PALM2AKAP2: variants seen among roughly 807,000 people sequenced by gnomAD.
PALM2AKAP2 encodes the protein PALM2-AKAP2 fusion protein.
Under a neutral mutation model 71.5 loss-of-function variants are expected in PALM2AKAP2, and 37 were observed. The ratio of observed to expected loss-of-function variants is 0.52; its 90% CI spans 0.40 to 0.68. PALM2AKAP2 has a LOEUF of 0.68. PALM2AKAP2 is among the 30% of genes least tolerant of loss of function. PALM2AKAP2 has a pLI of 0.00. For synonymous variants in PALM2AKAP2, 468 were observed against 478.8 expected (o/e 0.98, Z 0.29); for missense variants, 1,224 against 1,191.8 (o/e 1.03, Z -0.40).
intron 6 of PALM2AKAP2, among the ~76,000 whole-genome samples, chr9:109,935,884 T>C (rs1268131883): frequency 2.0e-5 from 3 of 152,232 alleles, no homozygotes; most frequent in Non-Finnish European, 4.4e-5. Flanking sequence ...CTTCCCTTTC[T>C]GCCACTTTCT....
chr9:109,887,272 C>T (rs1472010538), intron 3 of PALM2AKAP2, among the ~76,000 whole-genome samples: 1 of 152,230 alleles, frequency 6.6e-6, no homozygotes, highest in African/African-American at 2.4e-5. Flanking sequence ...ACAAAGGACA[C>T]TTGCTTGAGA....
intron 1 of PALM2AKAP2, among the ~76,000 whole-genome samples, chr9:109,706,342 A>G (rs780958127): frequency 6.6e-6 from 1 of 152,170 alleles, no homozygotes; most frequent in Admixed American, 6.5e-5. Context: ...AAACTGTCAA[A>G]CTTAAAAAAT....
chr9:109,786,306 G>A (rs1441136266), intron 1 of PALM2AKAP2, among the ~76,000 whole-genome samples: 1 of 152,202 alleles, frequency 6.6e-6, no homozygotes, highest in African/African-American at 2.4e-5. Context: ...GCTTCCCAAG[G>A]ATCCCTCAGA....
chr9:109,956,270 G>T (rs976552598), intron 6 of PALM2AKAP2, among the ~76,000 whole-genome samples: 3 of 152,060 alleles, frequency 2.0e-5, no homozygotes, highest in Non-Finnish European at 4.4e-5. Context: ...CTCCCAAAGC[G>T]CTGGGATTAC....
chr9:109,729,975 G>A (rs570251688), intron 1 of PALM2AKAP2, among the ~76,000 whole-genome samples: 3 of 152,328 alleles, frequency 2.0e-5, no homozygotes, highest in African/African-American at 7.2e-5. Flanking sequence ...ATGATCACTT[G>A]TTTGCATACA....
chr9:109,975,057 CGT>C (rs1564241412), intron 6 of PALM2AKAP2, among the ~76,000 whole-genome samples: 3 of 147,450 alleles, frequency 2.0e-5, no homozygotes, highest in Non-Finnish European at 4.5e-5. Context: ...TGTATCTGCA[CGT>C]GCACACACAC....
intron 6 of PALM2AKAP2, among the ~76,000 whole-genome samples, chr9:109,975,181 C>T (rs540236723): frequency 4.6e-5 from 7 of 152,086 alleles, no homozygotes; most frequent in South Asian, 2.1e-4. Context: ...TCAATTATGG[C>T]GGTTGAGAAG....
intron 3 of PALM2AKAP2, among the ~76,000 whole-genome samples, chr9:109,901,571 A>G (rs1830332053): frequency 6.6e-6 from 1 of 152,216 alleles, no homozygotes; most frequent in Admixed American, 6.5e-5. Flanking sequence ...AGAATAGCAG[A>G]TTGGAAACAG....
At chr9:109,852,714 A>G (rs1829055035) in intron 1 of PALM2AKAP2, among the ~76,000 whole-genome samples, 1 of 152,164 alleles carries the variant, frequency 6.6e-6, no homozygotes, top group Non-Finnish European at 1.5e-5. Context: ...TGACGTTTTA[A>G]TAGTAGCCAT....
At chr9:109,653,498 T>C (rs935540135) in intron 1 of PALM2AKAP2, among the ~76,000 whole-genome samples, 1 of 152,210 alleles carries the variant, frequency 6.6e-6, no homozygotes, top group Admixed American at 6.5e-5. Context: ...AATACTTTTC[T>C]TACTTCTTTG....
At chr9:109,789,329 C>T (rs189541164) in intron 1 of PALM2AKAP2, among the ~76,000 whole-genome samples, 4 of 152,298 alleles carry the variant, frequency 2.6e-5, no homozygotes, top group African/African-American at 7.2e-5. Context: ...GGTGCTAATT[C>T]GCGATGTGAT....
chr9:109,961,658 C>T (rs1709042203), intron 6 of PALM2AKAP2, among the ~76,000 whole-genome samples: 1 of 152,218 alleles, frequency 6.6e-6, no homozygotes, highest in African/African-American at 2.4e-5. Context: ...GCTTTGTCAA[C>T]TACTCCACAT....
chr9:110,003,326 A>G (rs1292960954), intron 6 of PALM2AKAP2, among the ~76,000 whole-genome samples: 3 of 151,998 alleles, frequency 2.0e-5, no homozygotes, highest in Non-Finnish European at 4.4e-5. Context: ...TTCAGTTTCC[A>G]TGTTGTTATG....
intron 1 of PALM2AKAP2, chr9:109,867,178 GTGTGTGTGTGTGTGTGTGTGTGTGTGTC>G: frequency 4.7e-6 from 2 of 423,588 alleles, no homozygotes; most frequent in Non-Finnish European, 9.4e-6. Flanking sequence ...GTGTGTGTGT[GTGTGTGTGTGTGTGTGTGTGTGTGTGTC>G]TGTGTGTGTG....
intron 1 of PALM2AKAP2, among the ~76,000 whole-genome samples, chr9:109,665,827 G>A (rs1391652304): frequency 6.6e-6 from 1 of 152,216 alleles, no homozygotes; most frequent in Non-Finnish European, 1.5e-5. Context: ...AGGCCTTGTT[G>A]AGCTGCAGTG....
intron 7 of PALM2AKAP2, among the ~76,000 whole-genome samples, chr9:110,028,034 C>G (rs1011691564): frequency 6.6e-6 from 1 of 152,108 alleles, no homozygotes; most frequent in African/African-American, 2.4e-5. Flanking sequence ...TTTAAAAATC[C>G]TTGAAACTAT....
chr9:109,723,662 G>A (rs1179146580), intron 1 of PALM2AKAP2, among the ~76,000 whole-genome samples: 2 of 152,154 alleles, frequency 1.3e-5, no homozygotes, highest in African/African-American at 4.8e-5. Context: ...AAAGAAAAAG[G>A]CATTTAACAA....
chr9:109,881,781 T>C (rs1290339312), intron 3 of PALM2AKAP2, among the ~76,000 whole-genome samples: 1 of 151,200 alleles, frequency 6.6e-6, no homozygotes, highest in Non-Finnish European at 1.5e-5. Flanking sequence ...CATAGATGCC[T>C]TAGAACCAAA....
chr9:109,809,332 C>T (rs780581348), intron 1 of PALM2AKAP2, among the ~76,000 whole-genome samples: 3 of 152,172 alleles, frequency 2.0e-5, no homozygotes, highest in Non-Finnish European at 4.4e-5. Flanking sequence ...GAACCCACCT[C>T]TTGCATCAGC....
Sources: allele counts gnomAD v4.1 joint callset (sites outside exome capture counted in the v4.1 genomes callset), GRCh38; gene constraint gnomAD v4.1.1; transcripts MANE v1.5; gene names NCBI Gene and HGNC (gene_info 2026-07-23, HGNC 2026-07-21).